The following MAP4K4 variants were observed in gnomAD, a reference collection of about 807,000 sequenced individuals.
The protein encoded by MAP4K4 is HPK/GCK-like kinase HGK.
Under a neutral mutation model 189.6 loss-of-function variants are expected in MAP4K4, and 38 were observed. The observed-to-expected ratio is 0.20, with a 90% CI of 0.15 to 0.26. MAP4K4 has a LOEUF of 0.26. MAP4K4 is among the 10% of genes least tolerant of loss of function. The probability of loss-of-function intolerance (pLI) is 1.00; values close to 1 mark genes in which losing one functional copy is unlikely to be tolerated. For missense variants in MAP4K4, 1,054 were observed against 1,726.9 expected (o/e 0.61, Z 6.91); for synonymous variants, 610 against 624.3 (o/e 0.98, Z 0.34).
chr2:101,765,572 G>GTC (rs1480852992), intron 2 of MAP4K4, among the ~76,000 whole-genome samples: 9 of 152,104 alleles, frequency 5.9e-5, no homozygotes, highest in Admixed American at 5.9e-4. Context: ...CAGTCCACCC[G>GTC]TCTCAGCCTC....
intron 3 of MAP4K4, among the ~76,000 whole-genome samples, chr2:101,822,297 G>A (rs1363247945): frequency 6.6e-6 from 1 of 152,178 alleles, no homozygotes; most frequent in Non-Finnish European, 1.5e-5. Context: ...GTCACTAGGT[G>A]ATGGGAATTT....
At chr2:101,863,866 G>C in exon 17 of MAP4K4, 1 of 1,367,704 alleles carries the variant, frequency 7.3e-7, no homozygotes, top group South Asian at 1.1e-5. Flanking sequence ...TGTTTCCCCT[G>C]TCTCGCGATC....
At chr2:101,784,843 T>C (rs2089844088) in intron 2 of MAP4K4, among the ~76,000 whole-genome samples, 1 of 152,202 alleles carries the variant, frequency 6.6e-6, no homozygotes, top group South Asian at 2.1e-4. Context: ...CAGCCTGGTA[T>C]AGAGAGCCAG....
At chr2:101,771,671 G>A (rs1301059348) in intron 2 of MAP4K4, among the ~76,000 whole-genome samples, 1 of 152,176 alleles carries the variant, frequency 6.6e-6, no homozygotes, top group Non-Finnish European at 1.5e-5. Flanking sequence ...GCAATGTGCA[G>A]ACATGCAGTT....
At position 101,797,425 on chromosome 2, in the gene MAP4K4, C is replaced by A; in HGVS notation, c.180+6649C>A. The A allele has an allele frequency of 5.4e-6, 7 of 1,284,696 alleles. No homozygotes were observed. In the South Asian group the frequency reaches 6.2e-5, roughly 11 times the overall value. 79.6% of individuals were successfully genotyped at this position (1,284,696 alleles called of 1,614,324 possible). ...TCAGTTTTTGACAGTCTGTATCCCC[C>A]TCCTGCACCGCCCCCTCCCTCCTTA... On this transcript the variant is annotated intron_variant, in intron 3 of 32. Transcript: ENST00000324219.
chr2:101,862,408 A>G (rs2097692266), intron 16 of MAP4K4, among the ~76,000 whole-genome samples: 1 of 152,074 alleles, frequency 6.6e-6, no homozygotes, highest in Admixed American at 6.6e-5. Flanking sequence ...GGAAAGCAGG[A>G]GAGGGTAACT....
chr2:101,843,297 C>T (rs1171073751), intron 11 of MAP4K4, among the ~76,000 whole-genome samples: 1 of 152,158 alleles, frequency 6.6e-6, no homozygotes, highest in East Asian at 1.9e-4. Context: ...GGAAGGGCAT[C>T]TCAAGTGACC....
chr2:101,862,240 TAAAA>T (rs57229844), intron 16 of MAP4K4: 272 of 59,110 alleles, frequency 4.6e-3, no homozygotes, highest in East Asian at 0.026. Context: ...GACTCCATCT[TAAAA>T]AAAAAAAAAA....
At chr2:101,751,446 G>T (rs1476674668) in intron 2 of MAP4K4, among the ~76,000 whole-genome samples, 1 of 152,142 alleles carries the variant, frequency 6.6e-6, no homozygotes, top group Non-Finnish European at 1.5e-5. Context: ...TTAACCCCTG[G>T]AGTCTCAATG....
At chr2:101,858,610 A>ATTAG (rs1414220329) in intron 13 of MAP4K4, among the ~76,000 whole-genome samples, 2 of 152,214 alleles carry the variant, frequency 1.3e-5, no homozygotes, top group African/African-American at 4.8e-5. Context: ...ATAATGACTA[A>ATTAG]TAAGCAGATG....
chr2:101,836,081 G>T, intron 9 of MAP4K4, 103 bp downstream of exon 9: 1 of 820,622 alleles, frequency 1.2e-6, no homozygotes, highest in East Asian at 2.7e-5. Context: ...TTCTAATTCT[G>T]GGGAACCCAA....
chr2:101,869,108 T>C (rs1340816237), intron 21 of MAP4K4, among the ~76,000 whole-genome samples: 1 of 151,954 alleles, frequency 6.6e-6, no homozygotes, highest in Non-Finnish European at 1.5e-5. Flanking sequence ...TTCATAAATA[T>C]CCTATAACTA....
chr2:101,766,010 A>G (rs1233359514), intron 2 of MAP4K4, among the ~76,000 whole-genome samples: 5 of 152,314 alleles, frequency 3.3e-5, no homozygotes, highest in African/African-American at 1.2e-4. Context: ...TACATACCCT[A>G]TTCGGAGACA....
At chr2:101,890,958 G>A (rs1475937235) in intron 32 of MAP4K4, among the ~76,000 whole-genome samples, 1 of 151,338 alleles carries the variant, frequency 6.6e-6, no homozygotes, top group Non-Finnish European at 1.5e-5. Flanking sequence ...ATGTTGGCCA[G>A]ACTGGTCTGG....
chr2:101,701,434 C>T (rs2038665138), intron 2 of MAP4K4, among the ~76,000 whole-genome samples: 1 of 152,064 alleles, frequency 6.6e-6, no homozygotes, highest in Admixed American at 6.5e-5. Context: ...GTGGGAATTT[C>T]AAGGAGATGT....
intron 2 of MAP4K4, among the ~76,000 whole-genome samples, chr2:101,733,743 C>CA (rs2059378914): frequency 1.3e-5 from 2 of 152,334 alleles, no homozygotes; most frequent in South Asian, 4.1e-4. Flanking sequence ...CGTGTAGTGC[C>CA]AGCCAGTGGT....
At chr2:101,730,607 GGT>G (rs1319291164) in intron 2 of MAP4K4, among the ~76,000 whole-genome samples, 1 of 152,148 alleles carries the variant, frequency 6.6e-6, no homozygotes, top group African/African-American at 2.4e-5. Context: ...GCACTGGACA[GGT>G]GTTCAGTACG....
intron 2 of MAP4K4, among the ~76,000 whole-genome samples, chr2:101,724,002 G>A (rs1289855235): frequency 6.6e-6 from 1 of 152,170 alleles, no homozygotes; most frequent in Non-Finnish European, 1.5e-5. Flanking sequence ...AGTAAATGAT[G>A]ACTAGCCAGA....
At chr2:101,824,050 C>G in exon 4 of MAP4K4, 1 of 1,416,902 alleles carries the variant, frequency 7.1e-7, no homozygotes, top group Non-Finnish European at 9.4e-7. Flanking sequence ...ATGACCAACT[C>G]TGGGTAGGTG....
Sources: gnomAD v4.1 joint callset for allele counts (sites outside exome capture counted in the v4.1 genomes callset) on GRCh38, gnomAD v4.1.1 for gene constraint, MANE v1.5 for transcripts, NCBI Gene and HGNC (gene_info 2026-07-23, HGNC 2026-07-21) for gene names.